FANCD2OS: variants seen among roughly 807,000 people sequenced by gnomAD.
FANCD2OS encodes the protein FANCD2 opposite strand protein.
A neutral mutation model predicts 13.2 loss-of-function variants in FANCD2OS; 11 were observed. That is an observed-to-expected ratio of 0.83 (90% CI 0.52 to 1.38). The LOEUF (loss-of-function observed/expected upper bound fraction) is 1.38. FANCD2OS is among the 40% of genes most tolerant of loss of function. FANCD2OS has a pLI of 0.00. For missense variants in FANCD2OS, 217 were observed against 213.9 expected, an observed-to-expected ratio of 1.01 and a Z score of -0.09; for synonymous variants, 69 against 84.5, an observed-to-expected ratio of 0.82 and a Z score of 1.01.
intron 2 of FANCD2OS, among the ~76,000 whole-genome samples, chr3:10,092,714 G>T (rs1694724075): frequency 8.2e-6 from 1 of 121,994 alleles, no homozygotes; most frequent in African/African-American, 3.5e-5. Context: ...TTTTTTTGAG[G>T]CAGGGTCTCA....
chr3:10,092,600 CT>C (rs914722955), intron 2 of FANCD2OS, among the ~76,000 whole-genome samples: 1 of 151,856 alleles, frequency 6.6e-6, no homozygotes, highest in Non-Finnish European at 1.5e-5. Context: ...TTTAAACACA[CT>C]GTGCTCTCAC....
chr3:10,096,977 G>C (rs1428284092), intron 2 of FANCD2OS, among the ~76,000 whole-genome samples: 3 of 152,190 alleles, frequency 2.0e-5, no homozygotes, highest in African/African-American at 7.2e-5. Flanking sequence ...GAGTACAAAA[G>C]AGAGAAATTT....
Position 10,085,735 on chromosome 3 carries a change from G to A in FANCD2OS, c.*44-4204C>T, listed in dbSNP as rs551095369. 1.8e-3 allele frequency: 1,650 copies of A among 930,854 alleles called. 3 individuals are homozygous for A. Among genetic ancestry groups the A allele is most frequent in the Non-Finnish European group, 2.6e-3 (1,457 of 559,572 alleles). The allele number at this position is 930,854 out of a possible 1,614,324, so 57.7% of individuals were successfully genotyped here. ...CGTTAAACTATTGATGGTACAGACT[G>A]GAGGCCAGGATCCTTAAATACTATC... On this transcript the variant is annotated intron_variant, in intron 2 of 2. Coordinates refer to the FANCD2OS transcript ENST00000524279.
At chr3:10,107,575 C>T (rs985632983) in intron 1 of FANCD2OS, among the ~76,000 whole-genome samples, 10 of 151,944 alleles carry the variant, frequency 6.6e-5, no homozygotes, top group South Asian at 4.2e-4. Context: ...CGTGAGCCAC[C>T]GGGCCCGGGC....
chr3:10,099,298 AT>A, downstream of FANCD2OS: 1 of 1,242,230 alleles, frequency 8.1e-7, no homozygotes, highest in Non-Finnish European at 1.0e-6. Flanking sequence ...TGTGGTACAG[AT>A]GCTTTCGACA....
chr3:10,102,227 T>C (rs1695331891), downstream of FANCD2OS, among the ~76,000 whole-genome samples: 1 of 145,420 alleles, frequency 6.9e-6, no homozygotes, highest in South Asian at 2.3e-4. Context: ...CACTGCAACC[T>C]CCACCTCCCA....
chr3:10,098,979 A>T, downstream of FANCD2OS: 2 of 1,614,024 alleles, frequency 1.2e-6, no homozygotes, highest in Non-Finnish European at 1.7e-6. Flanking sequence ...AATTTTTGGG[A>T]CCCAGAAGAA....
chr3:10,092,671 A>G (rs996928316), intron 2 of FANCD2OS, among the ~76,000 whole-genome samples: 3 of 94,058 alleles, frequency 3.2e-5, no homozygotes, highest in Non-Finnish European at 6.5e-5. Flanking sequence ...TTGTCTCTCC[A>G]CCTCTTTCAT....
At chr3:10,101,137 C>A, downstream of FANCD2OS, 2 of 1,353,018 alleles carry the variant, frequency 1.5e-6, no homozygotes, top group South Asian at 1.2e-5. Context: ...TTCCAGAGGT[C>A]ACCCAGAGCA....
chr3:10,087,527 CA>C (rs112934348), intron 2 of FANCD2OS, among the ~76,000 whole-genome samples: 35 of 139,950 alleles, frequency 2.5e-4, no homozygotes, highest in Admixed American at 2.9e-4. Context: ...TCTTCCTTTT[CA>C]AAAAAAAAAA....
chr3:10,103,769 G>A (rs2125108999), downstream of FANCD2OS, among the ~76,000 whole-genome samples: 1 of 152,264 alleles, frequency 6.6e-6, no homozygotes, highest in Admixed American at 6.5e-5. Context: ...TTAGGGTGTG[G>A]TTGGTTAGGG....
Position 10,104,213 on chromosome 3 carries a change from G to A in FANCD2OS, c.*28C>T, listed in dbSNP as rs1235080984. 1.9e-6 allele frequency: 3 copies of A among 1,566,924 alleles called. No individual in the cohort carries two copies. The East Asian group carries it at 6.7e-5, about 35-fold the overall frequency. On this transcript the variant is annotated 3_prime_UTR_variant, in exon 2 of 2. Coordinates refer to ENST00000450660, the MANE Select transcript of FANCD2OS (RefSeq NM_001164839.2). ...AGGTACATACCAAAGGGCATGGTGT[G>A]AGTAAATGGGGATCAAATGAGGACC... is the stretch of plus-strand genomic sequence containing the variant.
chr3:10,085,344 A>G (rs150696807), intron 2 of FANCD2OS, among the ~76,000 whole-genome samples: 40 of 151,494 alleles, frequency 2.6e-4, no homozygotes, highest in Admixed American at 3.3e-4. Flanking sequence ...GCTGTGATTG[A>G]ATTTGGTACT....
At chr3:10,101,572 T>TA, downstream of FANCD2OS, 1 of 398,392 alleles carries the variant, frequency 2.5e-6, no homozygotes, top group Non-Finnish European at 4.7e-6. Context: ...TTTTAGTAGA[T>TA]ACGGGGTTTT....
chr3:10,099,234 C>G, downstream of FANCD2OS: 1 of 1,334,014 alleles, frequency 7.5e-7, no homozygotes. Flanking sequence ...AGCACAGAGT[C>G]AGAAGCTGCC....
At chr3:10,102,986 G>A, downstream of FANCD2OS, 1 of 348,046 alleles carries the variant, frequency 2.9e-6, no homozygotes, top group Non-Finnish European at 5.7e-6. Context: ...GCCAGATATT[G>A]TGGGTCACCG....
chr3:10,105,762 AAAAAAAAAAT>A (rs1479027200), intron 1 of FANCD2OS, among the ~76,000 whole-genome samples: 5,040 of 74,976 alleles, frequency 0.067, 364 homozygotes, highest in Non-Finnish European at 0.074. Flanking sequence ...AAAAAAAAAA[AAAAAAAAAAT>A]TATATATATA....
chr3:10,105,772 TTATATATATATATATATATATATATA>T lies in FANCD2OS; in HGVS notation c.-8-1016_-8-991del, dbSNP rs574690780. ...TCTAAAAAAAAAAAAAAAAAAAAAA[TTATATATATATATATATATATATATA>T]TATATATATATATATATATATATTT... On this transcript the variant is annotated intron_variant, in intron 1 of 1. Transcript: ENST00000450660. 4.5e-3 allele frequency among the ~76,000 whole-genome samples: 101 copies of T among 22,642 alleles called. 6 individuals carry two copies. Among genetic ancestry groups the T allele is most frequent in the East Asian group, 0.011 (6 of 570 alleles). The allele number at this position is 22,642 out of a possible 152,430, so 14.9% of individuals were successfully genotyped here.
intron 2 of FANCD2OS, chr3:10,094,509 C>G (rs1470191333): frequency 6.5e-6 from 5 of 765,730 alleles, no homozygotes; most frequent in Non-Finnish European, 1.2e-5. Context: ...CCAAATTGGA[C>G]TGAATATTCC....
Sources: allele counts gnomAD v4.1 joint callset (sites outside exome capture counted in the v4.1 genomes callset), GRCh38; gene constraint gnomAD v4.1.1; transcripts MANE v1.5; gene names NCBI Gene and HGNC (gene_info 2026-07-23, HGNC 2026-07-21).